NUTM2F: variants seen among roughly 807,000 people sequenced by gnomAD.
NUTM2F encodes family with sequence similarity 22, member F.
Under a neutral mutation model 43.3 loss-of-function variants are expected in NUTM2F, and 22 were observed. The ratio of observed to expected loss-of-function variants is 0.51; its 90% CI spans 0.36 to 0.73. The LOEUF is 0.73. NUTM2F is among the 30% of genes least tolerant of loss of function. The pLI, the probability that NUTM2F is intolerant of heterozygous loss-of-function variation, is 0.00. For synonymous variants in NUTM2F, 202 were observed against 389.0 expected (o/e 0.52, Z 5.66); for missense variants, 488 against 927.4 (o/e 0.53, Z 6.15).
chr9:94,321,837 C>A (rs1024567693), intron 3 of NUTM2F, among the ~76,000 whole-genome samples: 4 of 151,264 alleles, frequency 2.6e-5, no homozygotes, highest in African/African-American at 9.7e-5. Flanking sequence ...GACTTCTGGC[C>A]ACTGCTGTGA....
Position 94,325,672 on chromosome 9 carries a change from C to T in NUTM2F, c.279G>A (p.Lys93=). ...VQMRTEVGPV[K]PPQAQTLILT... is the part of the protein sequence containing the mutation. ...GGATCAAGGTCTGTGCCTGAGGGGG[C>T]TTCACAGGCCCCACTTCTGTCCTCA... The change falls in exon 2 of 7, where the codon AAG becomes AAA. Residue 93 remains lysine (K), a synonymous_variant. Coordinates refer to ENST00000253262, the MANE Select transcript of NUTM2F (RefSeq NM_017561.2). 7.5e-6 allele frequency: 12 copies of T among 1,610,724 alleles called. No individual in the cohort carries two copies. Among genetic ancestry groups the T allele is most frequent in the African/African-American group, 1.3e-5 (1 of 74,780 alleles).
chr9:94,326,122 G>A (rs1831450380), intron 1 of NUTM2F, among the ~76,000 whole-genome samples, 188 bp from the exon 2 acceptor site: 1 of 151,586 alleles, frequency 6.6e-6, no homozygotes, highest in Non-Finnish European at 1.5e-5. Flanking sequence ...AGAGCCTGGC[G>A]CCAGTCACCA....
At chr9:94,322,166 C>A in intron 3 of NUTM2F, 35 bp downstream of exon 3, 1 of 1,611,692 alleles carries the variant, frequency 6.2e-7, no homozygotes, top group Middle Eastern at 2.3e-4. Flanking sequence ...TCTCACCCCG[C>A]CACACGGGCC....
chr9:94,325,970 G>T (rs369814171), intron 1 of NUTM2F, 36 bp from the exon 2 acceptor site: 3 of 1,608,034 alleles, frequency 1.9e-6, no homozygotes, highest in Non-Finnish European at 2.5e-6. Context: ...ATGAGCTGGC[G>T]TCTCCAGGTC....
intron 3 of NUTM2F, among the ~76,000 whole-genome samples, chr9:94,321,982 C>T (rs1380338696): frequency 6.6e-6 from 1 of 151,366 alleles, no homozygotes; most frequent in Admixed American, 6.6e-5. Context: ...CGGTTGGCCC[C>T]AGGCCAGGCA....
intron 2 of NUTM2F, among the ~76,000 whole-genome samples, chr9:94,324,674 A>AAAAAG (rs1166410359): frequency 9.6e-4 from 141 of 147,616 alleles, no homozygotes; most frequent in African/African-American, 2.8e-3. Flanking sequence ...AAAAAAAAAA[A>AAAAAG]AAAAGAAAAG....
At position 94,320,324 on chromosome 9, in the gene NUTM2F, C is replaced by T. The variant is rs1377184793; in HGVS notation, c.1252G>A (p.Gly418Arg). Residue 418 changes from glycine (G) to arginine (R), a missense_variant, in exon 5 of 7, where the codon GGA (glycine) becomes AGA (arginine). Physicochemically the swap from Gly to Arg is moderately radical, Grantham distance 125. Transcript: ENST00000253262. This position sits in a 1 kb window ranked among gnomAD's most constrained non-coding sequence, Gnocchi z 4.5. ...TCCACTTTGCCCTTTTCCCGTTGTCCCTCAGGCTCCCCTGTGTCCCCAGGG... is the reference window on the plus strand; with the variant it reads ...TCCACTTTGCCCTTTTCCCGTTGTCTCTCAGGCTCCCCTGTGTCCCCAGGG... ...SHPGDTGEPE[G>R]QREKGKVEQP... The T allele has an allele frequency of 3.7e-6, 6 of 1,613,874 alleles. No individual in the cohort carries two copies. Among genetic ancestry groups the T allele is most frequent in the Middle Eastern group, 1.7e-4 (1 of 5,972 alleles).
At position 94,323,696 on chromosome 9, in the gene NUTM2F, TCTCTTTGCCATC is replaced by T. The variant is rs1314204948; in HGVS notation, c.714-1379_714-1368del. ...GTATGTCATATGTGAGCTCAGGTCA[TCTCTTTGCCATC>T]CTCTGAATGAAACACCATTGTCCTT... is the stretch of plus-strand genomic sequence containing the variant. On this transcript the variant is annotated intron_variant, in intron 2 of 6. Coordinates refer to ENST00000253262, the MANE Select transcript of NUTM2F (RefSeq NM_017561.2). Among the ~76,000 whole-genome samples, 7 of 152,308 alleles carry T rather than the reference TCTCTTTGCCATC, an allele frequency of 4.6e-5. No homozygotes were observed. In the East Asian group the frequency reaches 1.4e-3, roughly 29 times the overall value.
Position 94,323,238 on chromosome 9 carries a change from G to A in NUTM2F, c.714-909C>T, listed in dbSNP as rs553174270. On this transcript the variant is annotated intron_variant, in intron 2 of 6. Transcript: ENST00000253262. ...AGTGCACCGGGACTCCGCTCCAAGG[G>A]GGGATGCAACCAGTTCCAGGGTGTG... 1.6e-4 allele frequency among the ~76,000 whole-genome samples: 24 copies of A among 152,236 alleles called. No homozygotes were observed. The East Asian group carries it at 4.6e-3, about 29-fold the overall frequency.
intron 6 of NUTM2F, 62 bp downstream of exon 6, chr9:94,319,551 C>G: frequency 6.2e-7 from 1 of 1,608,266 alleles, no homozygotes; most frequent in African/African-American, 1.3e-5. Flanking sequence ...TCGGGTGGGC[C>G]TTGTGTGCCG....
rs757552587 is a variant in NUTM2F at position 94,325,632 on chromosome 9, G to C, written c.319C>G (p.Leu107Val). The C allele has an allele frequency of 5.6e-6, 9 of 1,606,100 alleles. No individual in the cohort carries two copies. The highest frequency in any genetic ancestry group is 2.2e-5 in the South Asian group (2 of 90,554). Residue 107 changes from leucine to valine, a missense_variant, in exon 2 of 7, where the codon CTC (leucine) becomes GTC (valine). Physicochemically the swap from Leu to Val is conservative, Grantham distance 32 (BLOSUM62 1). Transcript: ENST00000253262. ...AGGGTGCCTGGAGCCTGCCAGACGA[G>C]GGGGGCCTGAGTTAGGATCAAGGTC... ...AQTLILTQAPLVWQAPGTLCG... is the reference protein window; with the variant it reads ...AQTLILTQAPVVWQAPGTLCG...
intron 1 of NUTM2F, among the ~76,000 whole-genome samples, chr9:94,327,346 C>T (rs1391091089): frequency 1.3e-5 from 2 of 151,526 alleles, no homozygotes; most frequent in African/African-American, 4.8e-5. Context: ...TCGTGATCCA[C>T]ATGCCTTGGT....
intron 1 of NUTM2F, 28 bp from the exon 2 acceptor site, chr9:94,325,962 G>A (rs746303344): frequency 1.9e-6 from 3 of 1,609,880 alleles, no homozygotes; most frequent in Non-Finnish European, 1.7e-6. Context: ...AGAGGTGAAT[G>A]AGCTGGCGTC....
intron 2 of NUTM2F, among the ~76,000 whole-genome samples, chr9:94,323,725 A>T (rs1415948327): frequency 6.6e-6 from 1 of 152,084 alleles, no homozygotes; most frequent in Non-Finnish European, 1.5e-5. Flanking sequence ...ATGAAACACC[A>T]TTGTCCTTTT....
intron 2 of NUTM2F, among the ~76,000 whole-genome samples, chr9:94,324,054 A>G (rs900629320): frequency 1.9e-4 from 29 of 150,048 alleles, no homozygotes; most frequent in Admixed American, 2.6e-4. Context: ...TGGATCACAA[A>G]GTCAGGAGTT....
At chr9:94,324,225 TCACC>T (rs1831419686) in intron 2 of NUTM2F, among the ~76,000 whole-genome samples, 3 of 150,156 alleles carry the variant, frequency 2.0e-5, no homozygotes, top group Admixed American at 1.3e-4. Flanking sequence ...AGCCAAGATC[TCACC>T]ATTGCACTCC....
chr9:94,325,744 A>T lies in NUTM2F; in HGVS notation c.207T>A (p.Asp69Glu), dbSNP rs779669082. ...CCCCGGCCCCACTCGGGCCGCGGCC[A>T]TCCTGTCCTGCCACTAGAGGGGTGC... ...FPSTPLVAGQDGRGPSGAGAS... is the reference protein window; with the variant it reads ...FPSTPLVAGQEGRGPSGAGAS... The change falls in exon 2 of 7, where the codon GAT becomes GAA. Residue 69 changes from aspartate to glutamate, a missense_variant. Coordinates refer to ENST00000253262, the MANE Select transcript of NUTM2F (RefSeq NM_017561.2). The T allele has an allele frequency of 6.2e-7, 1 of 1,611,854 alleles. No individual in the cohort carries two copies. The highest frequency in any genetic ancestry group is 1.1e-5 in the South Asian group (1 of 90,998).
Position 94,320,755 on chromosome 9 carries a change from G to C in NUTM2F, c.983-162C>G, listed in dbSNP as rs901483637. On this transcript the variant is annotated intron_variant, in intron 4 of 6. Transcript: ENST00000253262. The surrounding 1 kb of genome is among the most constrained non-coding windows in gnomAD (Gnocchi z 4.5). ...GAGACGCCACAGGAGGGGCACATCT[G>C]AGACAGCATCGCTTGGGAGGAAGTT... 1.1e-4 allele frequency among the ~76,000 whole-genome samples: 16 copies of C among 152,208 alleles called. No homozygotes were observed. Among genetic ancestry groups the C allele is most frequent in the African/African-American group, 3.6e-4 (15 of 41,448 alleles).
rs1271594795 is a variant in NUTM2F, at chr9:94,322,479, G to C, written c.714-150C>G. On this transcript the variant is annotated intron_variant, in intron 2 of 6. Transcript: ENST00000253262. ...CCCATGTGGGCTCCTCAGCCTCCAG[G>C]ACACACCCCCAAGATCCAACATCAA... 4 of 1,387,786 alleles carry C rather than the reference G, an allele frequency of 2.9e-6. No homozygotes were observed. The East Asian group carries it at 9.9e-5, about 34-fold the overall frequency. The allele number at this position is 1,387,786 out of a possible 1,614,324, so 86.0% of individuals were successfully genotyped here.
Sources: gnomAD v4.1 joint callset for allele counts (sites outside exome capture counted in the v4.1 genomes callset) on GRCh38, gnomAD v4.1.1 for gene constraint, Gnocchi (gnomAD v3.1) non-coding constraint, MANE v1.5 for transcripts, NCBI Gene and HGNC (gene_info 2026-07-23, HGNC 2026-07-21) for gene names.